Variants in GPR39 observed in about 807,000 individuals in gnomAD.
GPR39 encodes the protein zinc sensing receptor.
A neutral mutation model predicts 18.4 loss-of-function variants in GPR39; 23 were observed. That is an observed-to-expected ratio of 1.25 (90% CI 0.90 to 1.77). GPR39 has a LOEUF of 1.77. GPR39 is among the 40% of genes most tolerant of loss of function. The pLI, the probability that GPR39 is intolerant of heterozygous loss-of-function variation, is 0.00. For synonymous variants in GPR39, 280 were observed against 257.9 expected, an observed-to-expected ratio of 1.09 and a Z score of -0.82; for missense variants, 647 against 602.4, an observed-to-expected ratio of 1.07 and a Z score of -0.78.
chr2:132,509,452 A>ACACTCACT (rs112349309), intron 1 of GPR39, among the ~76,000 whole-genome samples: 146,135 of 151,948 alleles, frequency 0.96, 70,516 homozygotes, highest in Non-Finnish European at 1. Flanking sequence ...ACACACACAG[A>ACACTCACT]CACTCACTCG....
intron 1 of GPR39, chr2:132,604,355 A>G (rs1181122942): frequency 6.6e-6 from 1 of 152,234 alleles, no homozygotes. Context: ...TGCCTATCAG[A>G]AGCCATGGCT....
chr2:132,602,102 A>G (rs1681052435), intron 1 of GPR39, among the ~76,000 whole-genome samples: 1 of 152,158 alleles, frequency 6.6e-6, no homozygotes, highest in Non-Finnish European at 1.5e-5. Context: ...ACTGAGCAAA[A>G]ATAACAGAGC....
At chr2:132,569,484 G>C (rs1680405984) in intron 1 of GPR39, among the ~76,000 whole-genome samples, 1 of 152,018 alleles carries the variant, frequency 6.6e-6, no homozygotes, top group Non-Finnish European at 1.5e-5. Context: ...CCTCCCTTAA[G>C]GCTGAGTACC....
In GPR39 at chr2:132,622,340, G is replaced by A. The variant is rs561667910; in HGVS notation, c.857-22761G>A. On this transcript the variant is annotated intron_variant, in intron 1 of 1. Transcript: ENST00000329321. ...AACTGGGAGGCGGAGGTTGCAGTGA[G>A]CTGAGATCGCACCATTGCACTCCAG... is the stretch of plus-strand genomic sequence containing the variant. Among the ~76,000 whole-genome samples, 224 of 152,278 alleles carry A rather than the reference G, an allele frequency of 1.5e-3. 1 individual carries two copies. The highest frequency in any genetic ancestry group is 5.0e-3 in the African/African-American group (207 of 41,570).
At chr2:132,595,053 C>T (rs1178782399) in intron 1 of GPR39, among the ~76,000 whole-genome samples, 1 of 152,102 alleles carries the variant, frequency 6.6e-6, no homozygotes, top group Non-Finnish European at 1.5e-5. Flanking sequence ...GGCTGGAGTG[C>T]AATGGTGCAA....
intron 1 of GPR39, among the ~76,000 whole-genome samples, chr2:132,495,258 A>G (rs1681618184): frequency 6.6e-6 from 1 of 152,224 alleles, no homozygotes. Flanking sequence ...AAATAGAGCA[A>G]GTGAACCTTA....
intron 1 of GPR39, among the ~76,000 whole-genome samples, chr2:132,460,014 G>T (rs1680803384): frequency 6.6e-6 from 1 of 152,200 alleles, no homozygotes; most frequent in Non-Finnish European, 1.5e-5. Context: ...AATGAGGCCA[G>T]TGACTCTCAC....
At chr2:132,580,237 T>G (rs1680599216) in intron 1 of GPR39, among the ~76,000 whole-genome samples, 1 of 152,260 alleles carries the variant, frequency 6.6e-6, no homozygotes, top group African/African-American at 2.4e-5. Flanking sequence ...ACTAGTGCCT[T>G]GCATTCACTA....
chr2:132,432,144 G>A (rs2104759449), intron 1 of GPR39, among the ~76,000 whole-genome samples: 1 of 152,268 alleles, frequency 6.6e-6, no homozygotes, highest in East Asian at 1.9e-4. Context: ...CATAAACTGG[G>A]TGGTTTGTAA....
chr2:132,444,752 G>A (rs1295136357), intron 1 of GPR39, among the ~76,000 whole-genome samples: 1 of 152,212 alleles, frequency 6.6e-6, no homozygotes, highest in Non-Finnish European at 1.5e-5. Flanking sequence ...AGCCACAAAT[G>A]CTGTGAAGGA....
At chr2:132,509,231 T>C (rs1679188974) in intron 1 of GPR39, among the ~76,000 whole-genome samples, 1 of 152,216 alleles carries the variant, frequency 6.6e-6, no homozygotes, top group Admixed American at 6.5e-5. Flanking sequence ...ACCAGCTCAA[T>C]GTATGTTGCC....
chr2:132,567,311 G>A (rs1230756663), intron 1 of GPR39, among the ~76,000 whole-genome samples: 1 of 152,058 alleles, frequency 6.6e-6, no homozygotes, highest in African/African-American at 2.4e-5. Context: ...GACAGAGGGA[G>A]ACAGTCTCAA....
intron 1 of GPR39, among the ~76,000 whole-genome samples, chr2:132,427,026 G>A (rs1353931488): frequency 6.7e-6 from 1 of 148,868 alleles, no homozygotes; most frequent in Non-Finnish European, 1.5e-5. Flanking sequence ...CTTTACACAG[G>A]GTGCTTGAGC....
At chr2:132,423,340 T>G (rs748443103) in intron 1 of GPR39, among the ~76,000 whole-genome samples, 8 of 150,212 alleles carry the variant, frequency 5.3e-5, no homozygotes, top group Non-Finnish European at 1.0e-4. Flanking sequence ...GATGCTGGTC[T>G]TATCAGATTA....
intron 1 of GPR39, among the ~76,000 whole-genome samples, chr2:132,620,589 G>T (rs1226873279): frequency 3.3e-5 from 5 of 152,226 alleles, no homozygotes; most frequent in African/African-American, 1.2e-4. Flanking sequence ...GGAAGGCCTG[G>T]CATGAGGAGT....
chr2:132,557,539 G>C (rs1196911271), intron 1 of GPR39, among the ~76,000 whole-genome samples: 1 of 151,946 alleles, frequency 6.6e-6, no homozygotes, highest in African/African-American at 2.4e-5. Context: ...ATTACCATAA[G>C]AGAAAAGTGG....
chr2:132,448,734 A>G (rs1680581761), intron 1 of GPR39, among the ~76,000 whole-genome samples: 1 of 152,242 alleles, frequency 6.6e-6, no homozygotes, highest in African/African-American at 2.4e-5. Context: ...TTATTGGGTC[A>G]GAAAACTGCA....
chr2:132,463,592 AAGG>A (rs1018191195), intron 1 of GPR39, among the ~76,000 whole-genome samples: 1 of 152,110 alleles, frequency 6.6e-6, no homozygotes, highest in South Asian at 2.1e-4. Context: ...AGGCAAGAAA[AAGG>A]AGAAGGACCT....
chr2:132,633,235 T>C (rs1220497981), intron 1 of GPR39, among the ~76,000 whole-genome samples: 1 of 152,104 alleles, frequency 6.6e-6, no homozygotes, highest in African/African-American at 2.4e-5. Context: ...CTTGGGGGAT[T>C]TGCAATTTTT....
Sources: allele counts gnomAD v4.1 joint callset (sites outside exome capture counted in the v4.1 genomes callset), GRCh38; gene constraint gnomAD v4.1.1; transcripts MANE v1.5; gene names NCBI Gene and HGNC (gene_info 2026-07-23, HGNC 2026-07-21).